PPP1R13L: variants seen among roughly 807,000 people sequenced by gnomAD.
PPP1R13L encodes the protein protein phosphatase 1 regulatory subunit 13 like, also known as relA-associated inhibitor.
In PPP1R13L, 50 loss-of-function variants were observed where a neutral mutation model predicts 80.9. The ratio of observed to expected loss-of-function variants is 0.62; its 90% CI spans 0.49 to 0.78. The LOEUF is 0.78. Ranked by LOEUF, PPP1R13L falls within the 30% of genes least tolerant of loss-of-function variation. The pLI is 0.00. For missense variants in PPP1R13L, 1,200 were observed against 1,205.9 expected (o/e 1.00, Z 0.07); for synonymous variants, 602 against 534.3 (o/e 1.13, Z -1.75).
intron 3 of PPP1R13L, 117 bp from the exon 4 acceptor site, chr19:45,397,175 G>A (rs998139833): frequency 1.2e-6 from 1 of 850,542 alleles, no homozygotes. Context: ...GAGGCTGACC[G>A]GCCATGGAAA....
chr19:45,395,916 G>T, intron 6 of PPP1R13L, 30 bp from the exon 7 acceptor site: 1 of 1,525,214 alleles, frequency 6.6e-7, no homozygotes, highest in East Asian at 2.4e-5. Flanking sequence ...GAAGGGGATC[G>T]GGTGAGAGAG....
intron 8 of PPP1R13L, among the ~76,000 whole-genome samples, chr19:45,388,824 G>C (rs1194984955): frequency 6.6e-6 from 1 of 151,908 alleles, no homozygotes; most frequent in East Asian, 1.9e-4. Context: ...TGCAGCCTCT[G>C]TCTCCTAGGT....
intron 11 of PPP1R13L, among the ~76,000 whole-genome samples, chr19:45,383,996 C>A (rs1972817536): frequency 6.6e-6 from 1 of 151,946 alleles, no homozygotes; most frequent in South Asian, 2.1e-4. Context: ...AAATCCTGAG[C>A]TCATGCAATC....
chr19:45,396,276 A>G lies in PPP1R13L; in HGVS notation c.812-17T>C, dbSNP rs774566686. 2 of 1,613,022 alleles carry G rather than the reference A, an allele frequency of 1.2e-6. No individual in the cohort carries two copies. Among genetic ancestry groups the G allele is most frequent in the Non-Finnish European group, 8.5e-7 (1 of 1,179,868 alleles). On this transcript the variant is annotated splice_polypyrimidine_tract_variant and intron_variant, in intron 5 of 12. Transcript: ENST00000360957. This position sits in a 1 kb window ranked among gnomAD's most constrained non-coding sequence, Gnocchi z 5.3. ...CGTCCAGGCCTGCGGGGCGGGAATC[A>G]TTAGGGTCTGTGGGGCTGCCTCTCC...
At chr19:45,397,188 C>T in intron 3 of PPP1R13L, 130 bp from the exon 4 acceptor site, 1 of 727,198 alleles carries the variant, frequency 1.4e-6, no homozygotes, top group Non-Finnish European at 1.9e-6. Context: ...CATGGAAATT[C>T]AGGCACAGAG....
rs773587395 is a variant in PPP1R13L at position 45,385,878 on chromosome 19, A to G, written c.2027T>C (p.Val676Ala). The change falls in exon 10 of 13, where the codon GTG becomes GCG. Residue 676 changes from valine to alanine, a missense_variant. This residue lies in a region of PPP1R13L where 214 missense variants were observed against 199.6 expected (regional missense o/e 1.07). Coordinates refer to ENST00000360957, the MANE Select transcript of PPP1R13L (RefSeq NM_006663.4). ...NAICGANYSI[V>A]DFLITAGANV... ...GGCACCCGCGGTGATGAGGAAATCCACGATAGAGTAGTTGGCGCCGCAGAT... is the reference window on the plus strand; with the variant it reads ...GGCACCCGCGGTGATGAGGAAATCCGCGATAGAGTAGTTGGCGCCGCAGAT... The G allele has an allele frequency of 1.4e-4, 225 of 1,610,964 alleles. 2 individuals are homozygous for G. The South Asian group carries it at 1.5e-3, about 10-fold the overall frequency.
chr19:45,394,911 G>T (rs1227114509), intron 7 of PPP1R13L: 1 of 142,462 alleles, frequency 7.0e-6, no homozygotes, highest in Middle Eastern at 3.6e-3. Context: ...CTGCAGTGGC[G>T]CAATCTCGGC....
At position 45,380,776 on chromosome 19, in the gene PPP1R13L, G is replaced by A. The variant is rs138309124; in HGVS notation, c.2449-548C>T. 2.0e-3 allele frequency among the ~76,000 whole-genome samples: 298 copies of A among 151,252 alleles called. 2 individuals are homozygous for A. Among genetic ancestry groups the A allele is most frequent in the African/African-American group, 6.7e-3 (276 of 41,172 alleles). On this transcript the variant is annotated intron_variant, in intron 12 of 12. Transcript: ENST00000360957. ...GGAGGCTGCAGTGAGCCAAGATCGC[G>A]CCACTGCACTCCAGCCTGGGCGACG...
chr19:45,386,526 T>C (rs1218853632), intron 8 of PPP1R13L, among the ~76,000 whole-genome samples: 1 of 152,156 alleles, frequency 6.6e-6, no homozygotes, highest in Non-Finnish European at 1.5e-5. Flanking sequence ...TTGTTAATAA[T>C]GAATGCAATG....
At chr19:45,404,487 G>A (rs1455064266) in intron 1 of PPP1R13L, among the ~76,000 whole-genome samples, 2 of 152,154 alleles carry the variant, frequency 1.3e-5, no homozygotes, top group East Asian at 3.9e-4. Flanking sequence ...GGAGAGCCGG[G>A]ACACAGCCTC....
Position 45,396,361 on chromosome 19 carries a change from G to T in PPP1R13L, c.788C>A (p.Pro263His). 1 of 1,614,156 alleles carries T rather than the reference G, an allele frequency of 6.2e-7. No homozygotes were observed. Residue 263 changes from proline (P) to histidine (H), a missense_variant, in exon 5 of 13, where the codon CCT becomes CAT. Coordinates refer to ENST00000360957, the MANE Select transcript of PPP1R13L (RefSeq NM_006663.4). The surrounding 1 kb of genome is among the most constrained non-coding windows in gnomAD (Gnocchi z 5.3). ...SDLDVAYEKK[P>H]SQTASYERLD... Reference sequence around the variant, plus strand: ...ACGTTCATAGCTCGCTGTCTGCGAAGGCTTCTTCTCGTACGCCACGTCCAG... The same window carrying T: ...ACGTTCATAGCTCGCTGTCTGCGAATGCTTCTTCTCGTACGCCACGTCCAG...
rs1202148121 is a variant in PPP1R13L at position 45,396,284 on chromosome 19, C to T, written c.812-25G>A. 6.2e-7 allele frequency: 1 copy of T among 1,613,232 alleles called. No homozygotes were observed. Among genetic ancestry groups the T allele is most frequent in the Non-Finnish European group, 8.5e-7 (1 of 1,179,922 alleles). On this transcript the variant is annotated intron_variant, in intron 5 of 12. Transcript: ENST00000360957. This position sits in a 1 kb window ranked among gnomAD's most constrained non-coding sequence, Gnocchi z 5.3. The stretch of plus-strand genomic sequence containing the variant: ...CCTGCGGGGCGGGAATCATTAGGGT[C>T]TGTGGGGCTGCCTCTCCTCCGGGTC...
chr19:45,380,851 G>GA (rs35317723), intron 12 of PPP1R13L, among the ~76,000 whole-genome samples: 71,328 of 142,244 alleles, frequency 0.5, 18,922 homozygotes, highest in African/African-American at 0.72. Flanking sequence ...CACACACACA[G>GA]AAAAAAAAAA....
chr19:45,383,523 G>A (rs951454350), intron 11 of PPP1R13L, among the ~76,000 whole-genome samples: 3 of 144,530 alleles, frequency 2.1e-5, no homozygotes, highest in African/African-American at 7.7e-5. Flanking sequence ...TCAAACTCCT[G>A]ACCTCAAGTG....
upstream of PPP1R13L, chr19:45,406,117 C>T (rs151091732): frequency 2.3e-3 from 457 of 195,228 alleles, 5 homozygotes; most frequent in African/African-American, 0.01. The surrounding 1 kb of genome is among the most constrained non-coding windows in gnomAD (Gnocchi z 4.2). Flanking sequence ...GTTTCCCGCT[C>T]CCCCGGAGTC....
chr19:45,386,343 A>G (rs1026285450), intron 8 of PPP1R13L, among the ~76,000 whole-genome samples, 163 bp from the exon 9 acceptor site: 2 of 152,128 alleles, frequency 1.3e-5, no homozygotes. Context: ...ATCTCCTCCT[A>G]GAGCCTCCAG....
In PPP1R13L at chr19:45,385,809, C is replaced by CG; in HGVS notation, c.2081+14dup. 1 of 1,608,458 alleles carries CG rather than the reference C, an allele frequency of 6.2e-7. No individual in the cohort carries two copies. The highest frequency in any genetic ancestry group is 8.5e-7 in the Non-Finnish European group (1 of 1,178,016). ...CCCACGGGGGACCCAGCCCACCGCG[C>CG]GGGTCGGGGCTCACCAGCCGTGGCT... is the stretch of plus-strand genomic sequence containing the variant. On this transcript the variant is annotated intron_variant, in intron 10 of 12. Coordinates refer to ENST00000360957, the MANE Select transcript of PPP1R13L (RefSeq NM_006663.4).
chr19:45,393,766 G>A (rs1434858794), intron 7 of PPP1R13L, among the ~76,000 whole-genome samples: 3 of 151,966 alleles, frequency 2.0e-5, no homozygotes, highest in Non-Finnish European at 2.9e-5. Flanking sequence ...CCAGCCACTC[G>A]GGAGGCTGAG....
rs1263396627 is a variant in PPP1R13L at position 45,398,245 on chromosome 19, G to T, written c.55+19C>A. On this transcript the variant is annotated intron_variant, in intron 2 of 12. Coordinates refer to ENST00000360957, the MANE Select transcript of PPP1R13L (RefSeq NM_006663.4). ...CCGAGGTCCCCGCCTCGCCAGCCCC[G>T]CCCCCTACTCCAGCTTACACTGGAA... 3 of 1,613,582 alleles carry T rather than the reference G, an allele frequency of 1.9e-6. No homozygotes were observed. Among genetic ancestry groups the T allele is most frequent in the Non-Finnish European group, 2.5e-6 (3 of 1,179,740 alleles).
Sources: allele counts gnomAD v4.1 joint callset (sites outside exome capture counted in the v4.1 genomes callset), GRCh38; gene constraint gnomAD v4.1.1; regional missense constraint gnomAD v4.1.1; non-coding constraint Gnocchi (gnomAD v3.1); transcripts MANE v1.5; gene names NCBI Gene and HGNC (gene_info 2026-07-23, HGNC 2026-07-21).